The following NTRK3 variants were observed in gnomAD, a reference collection of about 807,000 sequenced individuals.
NTRK3 encodes neurotrophic receptor tyrosine kinase 3.
In NTRK3, 24 loss-of-function variants were observed where a neutral mutation model predicts 91.7. That is an observed-to-expected ratio of 0.26 (90% CI 0.19 to 0.37). The LOEUF (loss-of-function observed/expected upper bound fraction) is 0.37, where lower values mean the gene tolerates loss of function less well. Among genes scored for constraint, NTRK3 ranks in the 10% least tolerant of loss-of-function variants. The pLI, the probability that NTRK3 is intolerant of heterozygous loss-of-function variation, is 1.00. For synonymous variants in NTRK3, 483 were observed against 404.0 expected, an observed-to-expected ratio of 1.20 and a Z score of -2.34; for missense variants, 880 against 1,068.9, an observed-to-expected ratio of 0.82 and a Z score of 2.46.
chr15:88,153,433 T>A lies in NTRK3; in HGVS notation c.396-6030A>T, dbSNP rs2043584214. ...AATTTTTTGTATTTTTAGTAGACACTAAAAATACATGCGGTTTCTCCATGT... is the reference window on the plus strand; with the variant it reads ...AATTTTTTGTATTTTTAGTAGACACAAAAAATACATGCGGTTTCTCCATGT... On this transcript the variant is annotated intron_variant, in intron 5 of 18. Coordinates refer to ENST00000394480, the Ensembl canonical transcript of NTRK3. Among the ~76,000 whole-genome samples, 3 of 151,906 alleles carry A rather than the reference T, an allele frequency of 2.0e-5. No individual in the cohort carries two copies. In the South Asian group the frequency reaches 6.2e-4, roughly 32 times the overall value.
chr15:88,106,268 C>A (rs2050700760), intron 13 of NTRK3, among the ~76,000 whole-genome samples: 1 of 152,228 alleles, frequency 6.6e-6, no homozygotes, highest in South Asian at 2.1e-4. Context: ...CAGAGGCTCC[C>A]TGAACAAAGC....
At chr15:87,948,550 C>T (rs997968027) in intron 14 of NTRK3, among the ~76,000 whole-genome samples, 1 of 152,118 alleles carries the variant, frequency 6.6e-6, no homozygotes, top group Non-Finnish European at 1.5e-5. Flanking sequence ...TATCCGCACT[C>T]AGTGCCATGT....
intron 5 of NTRK3, among the ~76,000 whole-genome samples, chr15:88,157,634 C>T (rs1366790843): frequency 6.6e-6 from 1 of 152,056 alleles, no homozygotes; most frequent in Non-Finnish European, 1.5e-5. Context: ...CTCAGAACCT[C>T]GCAGAACATG....
intron 5 of NTRK3, among the ~76,000 whole-genome samples, chr15:88,151,478 T>G (rs1274605943): frequency 6.6e-6 from 1 of 152,112 alleles, no homozygotes; most frequent in Non-Finnish European, 1.5e-5. Context: ...AGTAGAAACC[T>G]AAGCACAGTA....
chr15:88,002,843 AAAC>A (rs1450024875), intron 14 of NTRK3, among the ~76,000 whole-genome samples: 3 of 152,312 alleles, frequency 2.0e-5, no homozygotes, highest in African/African-American at 7.2e-5. Context: ...GAAGGAAAAA[AAAC>A]AAAAAGCAGA....
At chr15:88,119,319 T>C (rs1021929026) in intron 13 of NTRK3, among the ~76,000 whole-genome samples, 10 of 152,184 alleles carry the variant, frequency 6.6e-5, no homozygotes, top group African/African-American at 2.2e-4. Flanking sequence ...GAGCCTCCCA[T>C]TGAAGTTCAA....
intron 13 of NTRK3, among the ~76,000 whole-genome samples, chr15:88,123,048 T>C (rs1429151190): frequency 6.6e-6 from 1 of 152,178 alleles, no homozygotes; most frequent in Non-Finnish European, 1.5e-5. Flanking sequence ...TTACTAAATA[T>C]TGTGCAGGAC....
chr15:88,011,120 C>T (rs1028847533), intron 14 of NTRK3, among the ~76,000 whole-genome samples: 1 of 152,048 alleles, frequency 6.6e-6, no homozygotes, highest in African/African-American at 2.4e-5. Flanking sequence ...AACAAGCATG[C>T]CACACAGGCC....
At chr15:88,121,272 A>G (rs1198247110) in intron 13 of NTRK3, among the ~76,000 whole-genome samples, 1 of 152,212 alleles carries the variant, frequency 6.6e-6, no homozygotes. Flanking sequence ...TATTGTTCTA[A>G]TGACGACGTG....
intron 17 of NTRK3, among the ~76,000 whole-genome samples, chr15:87,898,342 G>C (rs7170498): frequency 0.016 from 2,452 of 152,242 alleles, 58 homozygotes; most frequent in African/African-American, 0.056. Context: ...GTTCAAGGCA[G>C]TTCCACCTAA....
At chr15:88,067,947 C>A (rs765837317) in intron 13 of NTRK3, among the ~76,000 whole-genome samples, 5 of 152,056 alleles carry the variant, frequency 3.3e-5, no homozygotes, top group Non-Finnish European at 7.4e-5. Flanking sequence ...GTTGTTATAC[C>A]TTTTACAGCA....
chr15:88,238,603 G>A (rs570287467), intron 3 of NTRK3, among the ~76,000 whole-genome samples: 17 of 152,174 alleles, frequency 1.1e-4, no homozygotes, highest in South Asian at 2.1e-4. Flanking sequence ...TATAAACAAC[G>A]TATTATATCG....
intron 17 of NTRK3, among the ~76,000 whole-genome samples, chr15:87,886,550 G>A (rs1305390657): frequency 2.6e-5 from 4 of 151,300 alleles, no homozygotes; most frequent in Non-Finnish European, 4.4e-5. Context: ...TGTGGATACA[G>A]ATGCAAATAT....
rs574322112 is a variant in NTRK3, at chr15:87,954,089, T to C, written c.1586-13336A>G. 3.8e-4 allele frequency among the ~76,000 whole-genome samples: 57 copies of C among 151,710 alleles called. 2 individuals carry two copies. Among genetic ancestry groups the C allele is most frequent in the African/African-American group, 1.4e-3 (57 of 41,330 alleles). The stretch of plus-strand genomic sequence containing the variant: ...TTTTTTTCTCTGAAATAGATCTTTA[T>C]TGTAGGCTCTGTGGGCAGATGTGAA... On this transcript the variant is annotated intron_variant, in intron 14 of 18. Coordinates refer to ENST00000394480, the Ensembl canonical transcript of NTRK3.
chr15:88,017,746 G>A (rs1469108701), intron 14 of NTRK3, among the ~76,000 whole-genome samples: 2 of 152,084 alleles, frequency 1.3e-5, no homozygotes, highest in African/African-American at 4.8e-5. Context: ...CTGTGTTGAT[G>A]TCTCTGTCAA....
At chr15:88,116,544 C>CA (rs1303561844) in intron 13 of NTRK3, among the ~76,000 whole-genome samples, 1 of 152,062 alleles carries the variant, frequency 6.6e-6, no homozygotes, top group Non-Finnish European at 1.5e-5. Context: ...CAGGAAAAAA[C>CA]AAAAAGCAGA....
intron 5 of NTRK3, among the ~76,000 whole-genome samples, chr15:88,167,868 G>C (rs1369028326): frequency 6.6e-6 from 1 of 152,186 alleles, no homozygotes; most frequent in Non-Finnish European, 1.5e-5. Flanking sequence ...ATTCTGATAT[G>C]AGGTATGATC....
chr15:88,228,052 C>A (rs2050836155), intron 3 of NTRK3, among the ~76,000 whole-genome samples: 1 of 152,202 alleles, frequency 6.6e-6, no homozygotes, highest in South Asian at 2.1e-4. Flanking sequence ...CAACTGCTGG[C>A]AGACATCTGC....
intron 14 of NTRK3, among the ~76,000 whole-genome samples, chr15:88,001,570 C>T (rs1054716878): frequency 2.6e-5 from 4 of 152,090 alleles, no homozygotes; most frequent in African/African-American, 4.8e-5. Context: ...AGCTCATTGT[C>T]CCAGGACTAT....
Sources: gnomAD v4.1 joint callset for allele counts (sites outside exome capture counted in the v4.1 genomes callset) on GRCh38, gnomAD v4.1.1 for gene constraint, MANE v1.5 for transcripts, NCBI Gene and HGNC (gene_info 2026-07-23, HGNC 2026-07-21) for gene names.